The following NXPE2 variants were observed in gnomAD, a reference collection of about 807,000 sequenced individuals.
The protein encoded by NXPE2 is NXPE family member 2.
A neutral mutation model predicts 34.4 loss-of-function variants in NXPE2; 34 were observed. That is an observed-to-expected ratio of 0.99 (90% CI 0.75 to 1.31). NXPE2 has a LOEUF of 1.31. Among genes scored for constraint, NXPE2 ranks in the 40% most tolerant of loss-of-function variants. The pLI is 0.00. For synonymous variants in NXPE2, 235 were observed against 231.3 expected, an observed-to-expected ratio of 1.02 and a Z score of -0.15; for missense variants, 649 against 672.5, an observed-to-expected ratio of 0.97 and a Z score of 0.39.
chr11:114,475,239 T>G, the NXPE2 span, among the ~76,000 whole-genome samples: 7 of 56,720 alleles, frequency 1.2e-4, no homozygotes, highest in South Asian at 1.3e-3. Flanking sequence ...TTTTTTTTTT[T>G]TTTTTTTTTT....
the NXPE2 span, among the ~76,000 whole-genome samples, chr11:114,779,803 C>T: frequency 2.0e-5 from 3 of 152,078 alleles, no homozygotes; most frequent in Admixed American, 6.5e-5. Flanking sequence ...TTTCACACGC[C>T]GGTGATTCCT....
At chr11:114,770,184 C>T in the NXPE2 span, among the ~76,000 whole-genome samples, 1 of 152,200 alleles carries the variant, frequency 6.6e-6, no homozygotes, top group Non-Finnish European at 1.5e-5. Flanking sequence ...TACCCCTAAA[C>T]TCTACTTTCC....
chr11:114,642,293 C>T, the NXPE2 span, among the ~76,000 whole-genome samples: 1 of 151,980 alleles, frequency 6.6e-6, no homozygotes, highest in Non-Finnish European at 1.5e-5. Flanking sequence ...TTATAAAATA[C>T]CTGACCATGA....
chr11:114,690,559 G>A (rs1465486563), intron 2 of NXPE2, among the ~76,000 whole-genome samples: 1 of 152,054 alleles, frequency 6.6e-6, no homozygotes, highest in Non-Finnish European at 1.5e-5. Flanking sequence ...TGGATACACT[G>A]ATGACTGTGT....
the NXPE2 span, among the ~76,000 whole-genome samples, chr11:114,779,771 G>A: frequency 6.6e-6 from 1 of 152,094 alleles, no homozygotes; most frequent in Non-Finnish European, 1.5e-5. Context: ...GGACTCGCTC[G>A]CTCAGGGAGA....
At chr11:114,613,151 G>A in the NXPE2 span, among the ~76,000 whole-genome samples, 3 of 124,492 alleles carry the variant, frequency 2.4e-5, no homozygotes, top group Non-Finnish European at 5.1e-5. Flanking sequence ...CATAGATAAC[G>A]ACTGTTACCC....
chr11:114,494,460 T>A, the NXPE2 span, among the ~76,000 whole-genome samples: 1 of 152,142 alleles, frequency 6.6e-6, no homozygotes, highest in Non-Finnish European at 1.5e-5. Context: ...AATTCTTTCT[T>A]CTCCTTGATC....
the NXPE2 span, chr11:114,554,286 A>G: frequency 3.2e-5 from 31 of 975,034 alleles, no homozygotes; most frequent in Non-Finnish European, 3.5e-5. Context: ...GTTCTCTGAT[A>G]TGTAAGCAGA....
chr11:114,600,333 A>T, the NXPE2 span, among the ~76,000 whole-genome samples: 1 of 152,130 alleles, frequency 6.6e-6, no homozygotes. Flanking sequence ...CAAAACAATT[A>T]AAAGTCTTCT....
At chr11:114,520,707 C>A in the NXPE2 span, among the ~76,000 whole-genome samples, 1 of 152,150 alleles carries the variant, frequency 6.6e-6, no homozygotes, top group African/African-American at 2.4e-5. Flanking sequence ...GCTGTACCAA[C>A]TTACATTCCC....
chr11:114,662,369 T>C, the NXPE2 span, among the ~76,000 whole-genome samples: 1 of 152,138 alleles, frequency 6.6e-6, no homozygotes, highest in Non-Finnish European at 1.5e-5. Flanking sequence ...AGAGGGGAAT[T>C]ACCCATCCGG....
chr11:114,631,981 T>C, the NXPE2 span, among the ~76,000 whole-genome samples: 1 of 149,334 alleles, frequency 6.7e-6, no homozygotes, highest in Non-Finnish European at 1.5e-5. Context: ...ATAATAAATA[T>C]TGCCTCATAG....
chr11:114,629,588 G>A, the NXPE2 span, among the ~76,000 whole-genome samples: 2 of 152,024 alleles, frequency 1.3e-5, no homozygotes, highest in Middle Eastern at 3.4e-3. Context: ...AAAACTGGAA[G>A]CATTCCCTTT....
chr11:114,691,310 C>G (rs1488291280), intron 2 of NXPE2, among the ~76,000 whole-genome samples: 1 of 151,486 alleles, frequency 6.6e-6, no homozygotes, highest in Non-Finnish European at 1.5e-5. Flanking sequence ...TGTGTATGAT[C>G]AATTGGCTTT....
At chr11:114,566,027 T>C in the NXPE2 span, among the ~76,000 whole-genome samples, 15 of 152,176 alleles carry the variant, frequency 9.9e-5, no homozygotes, top group African/African-American at 3.4e-4. Context: ...TGGAAACATT[T>C]CTGAGCTGGA....
upstream of NXPE2, among the ~76,000 whole-genome samples, chr11:114,675,651 T>C (rs1565377764): frequency 2.0e-5 from 3 of 151,946 alleles, no homozygotes; most frequent in Non-Finnish European, 4.4e-5. Context: ...GAAAAATTAA[T>C]ATTGTTAAAA....
chr11:114,498,997 G>A, the NXPE2 span, among the ~76,000 whole-genome samples: 2 of 152,086 alleles, frequency 1.3e-5, no homozygotes, highest in Admixed American at 1.3e-4. Context: ...GGACTCACTT[G>A]TAAAATTGTC....
chr11:114,647,959 C>A, the NXPE2 span, among the ~76,000 whole-genome samples: 1 of 152,148 alleles, frequency 6.6e-6, no homozygotes, highest in African/African-American at 2.4e-5. Context: ...CTTGGCCTCC[C>A]AAAGTTCTGG....
the NXPE2 span, among the ~76,000 whole-genome samples, chr11:114,763,368 T>C: frequency 1.3e-5 from 2 of 152,190 alleles, no homozygotes; most frequent in South Asian, 2.1e-4. Flanking sequence ...ACTGCTGTTA[T>C]CATAAGGAGT....
Sources: allele counts gnomAD v4.1 joint callset (sites outside exome capture counted in the v4.1 genomes callset), GRCh38; gene constraint gnomAD v4.1.1; transcripts MANE v1.5; gene names NCBI Gene and HGNC (gene_info 2026-07-23, HGNC 2026-07-21).